ARMC8: variants seen among roughly 807,000 people sequenced by gnomAD.
ARMC8 encodes the protein armadillo repeat-containing protein 8.
Under a neutral mutation model 99.3 loss-of-function variants are expected in ARMC8, and 20 were observed. That is an observed-to-expected ratio of 0.20 (90% CI 0.14 to 0.29). The LOEUF (loss-of-function observed/expected upper bound fraction) is 0.29. ARMC8 is among the 10% of genes least tolerant of loss of function. ARMC8 has a pLI of 1.00. For missense variants in ARMC8, 569 were observed against 809.5 expected, an observed-to-expected ratio of 0.70 and a Z score of 3.60; for synonymous variants, 263 against 278.3, an observed-to-expected ratio of 0.95 and a Z score of 0.55.
chr3:138,211,173 G>A (rs1232020802), intron 2 of ARMC8, among the ~76,000 whole-genome samples: 1 of 152,132 alleles, frequency 6.6e-6, no homozygotes, highest in Non-Finnish European at 1.5e-5. Context: ...AAGGGGGCAG[G>A]TTTTACTTAA....
intron 2 of ARMC8, among the ~76,000 whole-genome samples, chr3:138,220,051 G>A (rs2045305991): frequency 6.6e-6 from 1 of 152,194 alleles, no homozygotes; most frequent in African/African-American, 2.4e-5. Flanking sequence ...CAGACTCTAA[G>A]TAGGTAGGGG....
intron 6 of ARMC8, among the ~76,000 whole-genome samples, chr3:138,231,231 A>G (rs750310260): frequency 5.9e-5 from 9 of 152,198 alleles, no homozygotes; most frequent in Non-Finnish European, 8.8e-5. Flanking sequence ...AACTGATCCA[A>G]TGGTCCATGT....
At chr3:138,261,006 C>A (rs1217366828) in intron 12 of ARMC8, among the ~76,000 whole-genome samples, 1 of 152,184 alleles carries the variant, frequency 6.6e-6, no homozygotes, top group African/African-American at 2.4e-5. Context: ...TCTAGTCCTC[C>A]ACTGCCTGAA....
At chr3:138,228,561 C>G in intron 5 of ARMC8, 1 of 366,458 alleles carries the variant, frequency 2.7e-6, no homozygotes, top group Non-Finnish European at 5.3e-6. Context: ...TCCTTATAAA[C>G]TATTTACTAG....
At chr3:138,210,243 GT>G (rs1173310035) in intron 2 of ARMC8, among the ~76,000 whole-genome samples, 5 of 152,124 alleles carry the variant, frequency 3.3e-5, no homozygotes, top group African/African-American at 4.8e-5. Context: ...GACCAGTAGG[GT>G]TTTTTGTTTT....
chr3:138,262,629 C>T (rs749823529), intron 12 of ARMC8: 4 of 1,536,364 alleles, frequency 2.6e-6, no homozygotes, highest in African/African-American at 1.4e-5. Context: ...GTGCCTAGCC[C>T]TGACCCTGGA....
At chr3:138,187,915 G>A in intron 1 of ARMC8, 1 of 423,844 alleles carries the variant, frequency 2.4e-6, no homozygotes, top group Non-Finnish European at 4.2e-6. Context: ...GCGTTTCACT[G>A]AGCCTTCCTT....
At chr3:138,206,656 C>T (rs2044388428) in intron 1 of ARMC8, among the ~76,000 whole-genome samples, 1 of 152,148 alleles carries the variant, frequency 6.6e-6, no homozygotes, top group Non-Finnish European at 1.5e-5. Context: ...CCTTCTCTCC[C>T]TACCTCTTAT....
chr3:138,257,923 A>C (rs1439141112), intron 12 of ARMC8, among the ~76,000 whole-genome samples: 1 of 152,090 alleles, frequency 6.6e-6, no homozygotes, highest in Non-Finnish European at 1.5e-5. Flanking sequence ...TCTGGATTTG[A>C]TACCTTATCC....
At chr3:138,265,970 T>A (rs1177721414) in intron 14 of ARMC8, among the ~76,000 whole-genome samples, 1 of 152,196 alleles carries the variant, frequency 6.6e-6, no homozygotes, top group Non-Finnish European at 1.5e-5. Context: ...AGTGTATGAT[T>A]CACTACTCAG....
At chr3:138,212,144 T>C (rs1034152276) in intron 2 of ARMC8, among the ~76,000 whole-genome samples, 2 of 152,118 alleles carry the variant, frequency 1.3e-5, no homozygotes, top group Non-Finnish European at 2.9e-5. Flanking sequence ...ACTGATCTTA[T>C]GGAGATAGTG....
At chr3:138,278,237 G>T (rs2049500342) in intron 18 of ARMC8, among the ~76,000 whole-genome samples, 1 of 152,132 alleles carries the variant, frequency 6.6e-6, no homozygotes. Context: ...GCCAGGCACG[G>T]TGGCTCACAC....
chr3:138,294,255 T>G, intron 21 of ARMC8, among the ~76,000 whole-genome samples: 1 of 152,230 alleles, frequency 6.6e-6, no homozygotes, highest in Non-Finnish European at 1.5e-5. Flanking sequence ...GACTTTCAGA[T>G]GCTTACAGAT....
chr3:138,286,448 C>G (rs2050422333), intron 19 of ARMC8, among the ~76,000 whole-genome samples: 1 of 152,198 alleles, frequency 6.6e-6, no homozygotes, highest in African/African-American at 2.4e-5. Flanking sequence ...TTCAACCCAG[C>G]TGACTATTTC....
chr3:138,263,583 T>C (rs1031160070), intron 12 of ARMC8, 156 bp from the exon 13 acceptor site: 3 of 681,586 alleles, frequency 4.4e-6, no homozygotes, highest in Non-Finnish European at 7.9e-6. Context: ...TCTGATGAGC[T>C]GCCCGCCCCC....
chr3:138,246,934 G>T, intron 12 of ARMC8: 1 of 753,188 alleles, frequency 1.3e-6, no homozygotes, highest in Non-Finnish European at 1.6e-6. Flanking sequence ...TTATGTAATG[G>T]GGCTTATATA....
At position 138,275,408 on chromosome 3, in the gene ARMC8, A is replaced by T. The variant is rs1334672628; in HGVS notation, c.1725+864A>T. Among the ~76,000 whole-genome samples, 4 of 152,078 alleles carry T rather than the reference A, an allele frequency of 2.6e-5. No homozygotes were observed. The East Asian group carries it at 5.8e-4, about 22-fold the overall frequency. On this transcript the variant is annotated intron_variant, in intron 18 of 21. Transcript: ENST00000469044. ...CCATCTCTACTAAAAAAATACAAAA[A>T]ATTAGCCAGGCGCGGTGGCGGGTGC...
At chr3:138,188,422 C>CT in intron 1 of ARMC8, 1 of 1,526,054 alleles carries the variant, frequency 6.6e-7, no homozygotes, top group Non-Finnish European at 8.8e-7. Context: ...AAAAAGACGA[C>CT]TTTCACCTTT....
intron 19 of ARMC8, among the ~76,000 whole-genome samples, chr3:138,284,729 T>G (rs2050243656): frequency 6.6e-6 from 1 of 152,194 alleles, no homozygotes; most frequent in South Asian, 2.1e-4. Flanking sequence ...GGTAATATTA[T>G]TACCTGCCAG....
Sources: gnomAD v4.1 joint callset for allele counts (sites outside exome capture counted in the v4.1 genomes callset) on GRCh38, gnomAD v4.1.1 for gene constraint, MANE v1.5 for transcripts, NCBI Gene and HGNC (gene_info 2026-07-23, HGNC 2026-07-21) for gene names.